The following EEIG1 variants were observed in gnomAD, a reference collection of about 807,000 sequenced individuals.
EEIG1 encodes the protein early estrogen-induced gene 1 protein.
chr9:127,966,243 G>T, the EEIG1 span, among the ~76,000 whole-genome samples: 1 of 152,140 alleles, frequency 6.6e-6, no homozygotes, highest in Non-Finnish European at 1.5e-5. Flanking sequence ...GGATCCCAGA[G>T]TCAGACACAT....
At chr9:127,957,540 T>C in the EEIG1 span, among the ~76,000 whole-genome samples, 36 of 152,238 alleles carry the variant, frequency 2.4e-4, no homozygotes, top group Admixed American at 5.2e-4. Flanking sequence ...CAAATAGTTC[T>C]AAAATTCATC....
chr9:127,945,143 G>A, the EEIG1 span, among the ~76,000 whole-genome samples: 6 of 152,144 alleles, frequency 3.9e-5, no homozygotes, highest in Admixed American at 6.5e-5. This position sits in a 1 kb window ranked among gnomAD's most constrained non-coding sequence, Gnocchi z 6.5. Context: ...CTAGCAGATC[G>A]TGCTCTTGTC....
chr9:127,943,406 ACACAGATAGTAAG>A, the EEIG1 span: 4 of 647,558 alleles, frequency 6.2e-6, no homozygotes, highest in South Asian at 7.1e-5. Flanking sequence ...GCCCACAGTG[ACACAGATAGTAAG>A]CATCAGAGTC....
chr9:127,954,152 G>A, the EEIG1 span, among the ~76,000 whole-genome samples: 1 of 152,202 alleles, frequency 6.6e-6, no homozygotes, highest in East Asian at 1.9e-4. Context: ...CAAGGCAGGG[G>A]TGAGGTGAGC....
the EEIG1 span, among the ~76,000 whole-genome samples, chr9:127,945,935 C>T: frequency 2.0e-5 from 3 of 152,222 alleles, no homozygotes; most frequent in East Asian, 5.8e-4. The surrounding 1 kb of genome is among the most constrained non-coding windows in gnomAD (Gnocchi z 6.5). Flanking sequence ...AACCCAGGTC[C>T]CTTCATTCCA....
At chr9:127,945,703 G>C in the EEIG1 span, 2 of 1,592,306 alleles carry the variant, frequency 1.3e-6, no homozygotes, top group Non-Finnish European at 1.7e-6. The surrounding 1 kb of genome is among the most constrained non-coding windows in gnomAD (Gnocchi z 6.5). Flanking sequence ...TGGCCAGAGT[G>C]GAACACCTCC....
chr9:127,977,047 C>T, the EEIG1 span, among the ~76,000 whole-genome samples: 1 of 152,000 alleles, frequency 6.6e-6, no homozygotes, highest in Non-Finnish European at 1.5e-5. Context: ...CAGGAACCCC[C>T]GTCTACTGGG....
At chr9:127,980,278 G>T in the EEIG1 span, 1 of 1,001,476 alleles carries the variant, frequency 1.0e-6, no homozygotes, top group Non-Finnish European at 1.4e-6. Flanking sequence ...GGAGATCGGA[G>T]TCCGGGGCCC....
chr9:127,950,498 C>T, the EEIG1 span: 12 of 1,613,874 alleles, frequency 7.4e-6, no homozygotes, highest in African/African-American at 1.3e-5. Flanking sequence ...CCGTGGAGCC[C>T]GAGCCCGCAA....
the EEIG1 span, among the ~76,000 whole-genome samples, chr9:127,969,465 C>A: frequency 2.6e-5 from 4 of 152,306 alleles, no homozygotes; most frequent in Admixed American, 2.6e-4. Context: ...CCAGCCTTTA[C>A]TGAGCCCGTA....
At chr9:127,945,819 T>C in the EEIG1 span, 615 of 1,115,244 alleles carry the variant, frequency 5.5e-4, 2 homozygotes, top group African/African-American at 8.5e-3. This position sits in a 1 kb window ranked among gnomAD's most constrained non-coding sequence, Gnocchi z 6.5. Context: ...ACTGTCGCCC[T>C]TCACAACGTG....
the EEIG1 span, among the ~76,000 whole-genome samples, chr9:127,951,222 T>C: frequency 7.2e-5 from 11 of 152,164 alleles, no homozygotes; most frequent in African/African-American, 2.7e-4. Flanking sequence ...GGTGCCAGAC[T>C]TGGGGACTTG....
chr9:127,945,576 C>T, the EEIG1 span: 1,331 of 1,562,706 alleles, frequency 8.5e-4, 20 homozygotes, highest in East Asian at 0.024. The surrounding 1 kb of genome is among the most constrained non-coding windows in gnomAD (Gnocchi z 6.5). Flanking sequence ...TCAGGGGCGA[C>T]GCAGGGGAGC....
chr9:127,970,667 T>C, the EEIG1 span, among the ~76,000 whole-genome samples: 1 of 152,144 alleles, frequency 6.6e-6, no homozygotes, highest in Non-Finnish European at 1.5e-5. Flanking sequence ...AAACTACAAA[T>C]GTGACTCGGA....
chr9:127,949,725 C>G, the EEIG1 span, among the ~76,000 whole-genome samples: 16 of 152,264 alleles, frequency 1.1e-4, no homozygotes, highest in African/African-American at 3.9e-4. Flanking sequence ...CCCTGGGTCC[C>G]CTTGCAGAGG....
the EEIG1 span, among the ~76,000 whole-genome samples, chr9:127,958,948 G>A: frequency 6.6e-6 from 1 of 152,140 alleles, no homozygotes; most frequent in Non-Finnish European, 1.5e-5. Context: ...AGCTATTAGG[G>A]AAATGAAAAT....
the EEIG1 span, among the ~76,000 whole-genome samples, chr9:127,955,914 G>A: frequency 6.6e-6 from 1 of 152,236 alleles, no homozygotes; most frequent in Non-Finnish European, 1.5e-5. Context: ...CGCCCCTGTC[G>A]TGGCTGCTGT....
chr9:127,980,161 C>G, the EEIG1 span: 1 of 1,602,926 alleles, frequency 6.2e-7, no homozygotes, highest in Non-Finnish European at 8.5e-7. Context: ...GAGTCTGAAG[C>G]CCCGAAGGCG....
the EEIG1 span, chr9:127,953,946 G>T: frequency 2.0e-5 from 32 of 1,612,850 alleles, no homozygotes; most frequent in African/African-American, 2.7e-5. Context: ...GAGGCGACAG[G>T]TGAGCACAGG....
Sources: allele counts gnomAD v4.1 joint callset (sites outside exome capture counted in the v4.1 genomes callset), GRCh38; gene constraint gnomAD v4.1.1; non-coding constraint Gnocchi (gnomAD v3.1); transcripts MANE v1.5; gene names NCBI Gene and HGNC (gene_info 2026-07-23, HGNC 2026-07-21).